Variants in TFPI observed in about 807,000 individuals in gnomAD.
TFPI encodes tissue factor pathway inhibitor.
In TFPI, 15 loss-of-function variants were observed where a neutral mutation model predicts 34.6. The ratio of observed to expected loss-of-function variants is 0.43; its 90% CI spans 0.29 to 0.67. The LOEUF (loss-of-function observed/expected upper bound fraction) is 0.67, where lower values mean the gene tolerates loss of function less well. Ranked by LOEUF, TFPI falls within the 30% of genes least tolerant of loss-of-function variation. TFPI has a pLI of 0.15. For synonymous variants in TFPI, 105 were observed against 120.1 expected (o/e 0.87, Z 0.82); for missense variants, 301 against 364.0 (o/e 0.83, Z 1.41).
intron 1 of TFPI, among the ~76,000 whole-genome samples, chr2:187,524,819 T>C (rs1687595069): frequency 1.3e-5 from 2 of 152,094 alleles, no homozygotes; most frequent in Non-Finnish European, 2.9e-5. Flanking sequence ...TTTAACATTT[T>C]TTAAATTTTG....
chr2:187,511,490 G>C (rs1176330192), intron 1 of TFPI, among the ~76,000 whole-genome samples: 2 of 152,110 alleles, frequency 1.3e-5, no homozygotes, highest in African/African-American at 4.8e-5. Flanking sequence ...GGAAGCATGG[G>C]TCAGGCACAA....
intron 5 of TFPI, chr2:187,484,441 C>G (rs572319213): frequency 3.7e-6 from 2 of 537,098 alleles, no homozygotes; most frequent in Admixed American, 7.2e-5. Context: ...TTTAAGTCAT[C>G]CCTTTAATAA....
chr2:187,478,938 C>T, intron 6 of TFPI: 1 of 643,382 alleles, frequency 1.6e-6, no homozygotes, highest in South Asian at 2.2e-5. Context: ...ATCTTGTAAT[C>T]TAGACAGTGA....
At chr2:187,526,192 T>G (rs2106234307) in intron 1 of TFPI, among the ~76,000 whole-genome samples, 1 of 152,238 alleles carries the variant, frequency 6.6e-6, no homozygotes, top group Non-Finnish European at 1.5e-5. Context: ...TTTGAAGGTC[T>G]AAAAATATAA....
chr2:187,528,667 A>T (rs1311317286), intron 1 of TFPI, among the ~76,000 whole-genome samples: 1 of 152,092 alleles, frequency 6.6e-6, no homozygotes, highest in Non-Finnish European at 1.5e-5. Flanking sequence ...AATCTTTATT[A>T]TTATTGCTTT....
intron 1 of TFPI, chr2:187,515,565 A>G (rs1269574524): frequency 6.6e-6 from 1 of 152,178 alleles, no homozygotes; most frequent in Non-Finnish European, 1.5e-5. Context: ...CTCCAGTCAC[A>G]CCCAGAAGCT....
intron 3 of TFPI, among the ~76,000 whole-genome samples, chr2:187,489,651 G>A (rs1385662367): frequency 6.6e-6 from 1 of 151,398 alleles, no homozygotes; most frequent in Non-Finnish European, 1.5e-5. Context: ...GTCATAAGAT[G>A]GGAATATATA....
At chr2:187,548,120 T>C (rs1559162943) in intron 1 of TFPI, among the ~76,000 whole-genome samples, 1 of 152,108 alleles carries the variant, frequency 6.6e-6, no homozygotes, top group South Asian at 2.1e-4. Flanking sequence ...CAGAGATCTT[T>C]CTTTAATAAA....
chr2:187,536,041 C>G (rs932048887), intron 1 of TFPI, among the ~76,000 whole-genome samples: 1 of 152,010 alleles, frequency 6.6e-6, no homozygotes, highest in Non-Finnish European at 1.5e-5. Flanking sequence ...AGGAAGAAGT[C>G]AAACGCCTGA....
chr2:187,527,836 G>A (rs1441702873), intron 1 of TFPI, among the ~76,000 whole-genome samples: 2 of 152,060 alleles, frequency 1.3e-5, no homozygotes, highest in African/African-American at 2.4e-5. Flanking sequence ...ATGTTGAATA[G>A]TGCTATGCAG....
At chr2:187,541,674 C>T (rs1428321492) in intron 1 of TFPI, among the ~76,000 whole-genome samples, 2 of 152,120 alleles carry the variant, frequency 1.3e-5, no homozygotes, top group Non-Finnish European at 2.9e-5. Context: ...GTGAAGCAAG[C>T]ACTCTCCTGA....
chr2:187,550,798 C>T (rs1019189075), intron 1 of TFPI, among the ~76,000 whole-genome samples: 1 of 151,988 alleles, frequency 6.6e-6, no homozygotes, highest in East Asian at 1.9e-4. Flanking sequence ...TAAAATATTA[C>T]CAAAATATTC....
chr2:187,547,821 A>G (rs1389644845), intron 1 of TFPI: 1 of 152,146 alleles, frequency 6.6e-6, no homozygotes, highest in African/African-American at 2.4e-5. Flanking sequence ...ATTGCCATTC[A>G]TCTCTTTCTT....
chr2:187,518,641 A>G (rs940913312), intron 1 of TFPI: 1 of 152,184 alleles, frequency 6.6e-6, no homozygotes, highest in African/African-American at 2.4e-5. Flanking sequence ...CTTGAGGAGC[A>G]TCGCTGTGGT....
At chr2:187,487,261 A>G (rs1474642679) in intron 4 of TFPI, among the ~76,000 whole-genome samples, 1 of 151,420 alleles carries the variant, frequency 6.6e-6, no homozygotes, top group Admixed American at 6.6e-5. Context: ...TAAGGCCTTC[A>G]TTTAATTAAA....
intron 1 of TFPI, chr2:187,518,698 TGGGGAAGTTCTCCTGGATAATATCCCGAA>T (rs1687172130): frequency 6.6e-6 from 1 of 152,242 alleles, no homozygotes; most frequent in Admixed American, 6.5e-5. Flanking sequence ...CTTGCTAGGT[TGGGGAAGTTCTCCTGGATAATATCCCGAA>T]GAGTGTTTTC....
intron 1 of TFPI, among the ~76,000 whole-genome samples, chr2:187,524,345 C>A (rs1244092836): frequency 6.6e-6 from 1 of 152,022 alleles, no homozygotes; most frequent in African/African-American, 2.4e-5. Flanking sequence ...TCCAAAGTAG[C>A]TGCACCATTT....
intron 1 of TFPI, among the ~76,000 whole-genome samples, chr2:187,542,162 A>AG (rs1688614415): frequency 6.6e-6 from 1 of 152,190 alleles, no homozygotes; most frequent in Non-Finnish European, 1.5e-5. Context: ...ATGGTTAAAA[A>AG]GGGAGAGTCA....
intron 6 of TFPI, among the ~76,000 whole-genome samples, chr2:187,483,130 G>A (rs1345110139): frequency 6.6e-6 from 1 of 151,876 alleles, no homozygotes; most frequent in Non-Finnish European, 1.5e-5. Flanking sequence ...GATTTTGTTT[G>A]CGTTCTGTTG....
Sources: allele counts gnomAD v4.1 joint callset (sites outside exome capture counted in the v4.1 genomes callset), GRCh38; gene constraint gnomAD v4.1.1; transcripts MANE v1.5; gene names NCBI Gene and HGNC (gene_info 2026-07-23, HGNC 2026-07-21).